ANKRD36C: variants seen among roughly 807,000 people sequenced by gnomAD.
ANKRD36C encodes the protein ankyrin repeat domain 36C.
In ANKRD36C, 61 loss-of-function variants were observed where a neutral mutation model predicts 276.4. The observed-to-expected ratio is 0.22, with a 90% CI of 0.18 to 0.27. The LOEUF (loss-of-function observed/expected upper bound fraction) is 0.27. Among genes scored for constraint, ANKRD36C ranks in the 10% least tolerant of loss-of-function variants. The pLI, the probability that ANKRD36C is intolerant of heterozygous loss-of-function variation, is 1.00. For synonymous variants in ANKRD36C, 483 were observed against 680.1 expected, an observed-to-expected ratio of 0.71 and a Z score of 4.51; for missense variants, 1,447 against 2,032.3, an observed-to-expected ratio of 0.71 and a Z score of 5.54.
chr2:95,890,076 T>C lies in ANKRD36C; in HGVS notation c.2858-82A>G, dbSNP rs1024435358. The C allele has an allele frequency of 5.1e-5, 78 of 1,515,542 alleles. No homozygotes were observed. The African/African-American group carries it at 6.8e-4, about 13-fold the overall frequency. The allele number at this position is 1,515,542 out of a possible 1,614,324, so 93.9% of individuals were successfully genotyped here. A position where few individuals can be genotyped will look rare whatever the true frequency, so the allele number is the denominator to read the frequency against. On this transcript the variant is annotated intron_variant, in intron 46 of 66. Coordinates refer to ENST00000456556, the Ensembl canonical transcript of ANKRD36C. ...TACATTCATACAGTGTTAGCATCAA[T>C]CTCTGTCCTCCTGCCTGTATTAGTG...
downstream of ANKRD36C, chr2:95,848,963 T>A: frequency 2.4e-6 from 1 of 412,748 alleles, no homozygotes; most frequent in Non-Finnish European, 4.7e-6. Context: ...TAAATACTTT[T>A]GCATGTCACA....
intron 34 of ANKRD36C, among the ~76,000 whole-genome samples, chr2:95,918,674 C>T (rs989832484): frequency 2.0e-5 from 3 of 151,634 alleles, no homozygotes; most frequent in Non-Finnish European, 3.0e-5. Flanking sequence ...TAGTTTATCC[C>T]TCCAAAACTT....
In ANKRD36C at chr2:95,951,429, G is replaced by A. The variant is rs774413460; in HGVS notation, c.1204-21C>T. On this transcript the variant is annotated intron_variant, in intron 14 of 66. Coordinates refer to ENST00000456556, the Ensembl canonical transcript of ANKRD36C. ...ATAATCTAGAAGAAAAACACAATAG[G>A]TTTAAGAATAACATGGAGCAAGTTA... 4 of 1,450,094 alleles carry A rather than the reference G, an allele frequency of 2.8e-6. No homozygotes were observed. In the African/African-American group the frequency reaches 5.7e-5, roughly 21 times the overall value. The allele number at this position is 1,450,094 out of a possible 1,614,324, so 89.8% of individuals were successfully genotyped here. A position where few individuals can be genotyped will look rare whatever the true frequency, so the allele number is the denominator to read the frequency against.
chr2:95,883,169 T>C (rs1449907195), intron 54 of ANKRD36C, among the ~76,000 whole-genome samples: 3 of 152,094 alleles, frequency 2.0e-5, no homozygotes, highest in African/African-American at 4.8e-5. Context: ...CAACAAAGTA[T>C]AATATATAAA....
intron 59 of ANKRD36C, among the ~76,000 whole-genome samples, chr2:95,869,442 T>C (rs936900288): frequency 1.9e-4 from 29 of 152,244 alleles, no homozygotes; most frequent in Admixed American, 1.0e-3. Context: ...TTTTTCCTAA[T>C]ATTACTAACT....
chr2:95,885,959 C>T (rs1676191228), intron 52 of ANKRD36C, 89 bp downstream of exon 72: 21 of 1,554,110 alleles, frequency 1.4e-5, no homozygotes, highest in Non-Finnish European at 1.7e-5. Flanking sequence ...AAACATAAAG[C>T]TTCAATGAAC....
At chr2:95,863,968 G>A (rs1380097910) in intron 60 of ANKRD36C, among the ~76,000 whole-genome samples, 2 of 152,006 alleles carry the variant, frequency 1.3e-5, no homozygotes, top group Admixed American at 1.3e-4. Context: ...GCAAATTATG[G>A]GCTTGGGGTG....
intron 28 of ANKRD36C, 92 bp from the exon 29 acceptor site, chr2:95,925,639 C>G: frequency 2.3e-6 from 3 of 1,286,400 alleles, no homozygotes; most frequent in Non-Finnish European, 3.2e-6. Context: ...GCTGTATCCT[C>G]CCACCTGCAC....
intron 60 of ANKRD36C, among the ~76,000 whole-genome samples, chr2:95,861,469 G>T (rs1675581083): frequency 6.6e-6 from 1 of 150,616 alleles, no homozygotes; most frequent in Non-Finnish European, 1.5e-5. Flanking sequence ...AAGTGTCTGG[G>T]ACAGAAAAAA....
intron 66 of ANKRD36C, 119 bp from the exon 87 acceptor site, chr2:95,851,314 C>T: frequency 1.3e-6 from 1 of 784,018 alleles, no homozygotes; most frequent in Non-Finnish European, 2.1e-6. Context: ...ATCTAAAAAT[C>T]TGAAATCCAA....
At chr2:95,893,851 C>G (rs200503187) in intron 44 of ANKRD36C, 127 bp from the exon 63 acceptor site, 2 of 1,512,222 alleles carry the variant, frequency 1.3e-6, no homozygotes, top group Non-Finnish European at 1.8e-6. Flanking sequence ...ATGGCTTCTA[C>G]TTTGTGTCTG....
intron 32 of ANKRD36C, 29 bp downstream of exon 32, chr2:95,923,466 A>C: frequency 6.2e-7 from 1 of 1,607,372 alleles, no homozygotes; most frequent in Non-Finnish European, 8.5e-7. Context: ...TGGACTGAAC[A>C]TGACATTTAA....
At chr2:95,868,180 A>C (rs1675722094) in intron 59 of ANKRD36C, among the ~76,000 whole-genome samples, 1 of 152,136 alleles carries the variant, frequency 6.6e-6, no homozygotes, top group Non-Finnish European at 1.5e-5. Flanking sequence ...TTCTAATTCA[A>C]GTTTTATGCT....
At chr2:95,879,653 TTAATA>T (rs1558624773) in intron 58 of ANKRD36C, among the ~76,000 whole-genome samples, 2 of 152,262 alleles carry the variant, frequency 1.3e-5, no homozygotes, top group South Asian at 2.1e-4. Flanking sequence ...TCTGATTGGC[TTAATA>T]TAATAAGTGT....
intron 19 of ANKRD36C, among the ~76,000 whole-genome samples, chr2:95,943,238 C>T (rs370961022): frequency 2.1e-3 from 277 of 130,188 alleles, no homozygotes; most frequent in South Asian, 3.6e-3. Flanking sequence ...AATCCCAGCA[C>T]TTTGGGAGGC....
At chr2:95,858,524 A>G (rs1205155653) in intron 61 of ANKRD36C, among the ~76,000 whole-genome samples, 4 of 152,232 alleles carry the variant, frequency 2.6e-5, no homozygotes, top group African/African-American at 9.6e-5. Context: ...CAAGATAAAA[A>G]TCATCTTTTC....
chr2:95,922,209 T>C (rs1441551856), intron 32 of ANKRD36C, among the ~76,000 whole-genome samples: 3 of 151,578 alleles, frequency 2.0e-5, no homozygotes, highest in Non-Finnish European at 4.4e-5. Context: ...TTTACACCAT[T>C]ATACTGCAAA....
chr2:95,942,571 T>C (rs1488276749), intron 19 of ANKRD36C, among the ~76,000 whole-genome samples: 1 of 152,196 alleles, frequency 6.6e-6, no homozygotes, highest in Admixed American at 6.5e-5. Context: ...TATTTTAAAG[T>C]TCATATGGTT....
At chr2:95,860,717 G>A (rs1435220538) in intron 60 of ANKRD36C, among the ~76,000 whole-genome samples, 2 of 152,152 alleles carry the variant, frequency 1.3e-5, no homozygotes, top group Non-Finnish European at 2.9e-5. Flanking sequence ...TTTTGACGGA[G>A]GTTCGAGGCC....
Sources: gnomAD v4.1 joint callset for allele counts (sites outside exome capture counted in the v4.1 genomes callset) on GRCh38, gnomAD v4.1.1 for gene constraint, MANE v1.5 for transcripts, NCBI Gene and HGNC (gene_info 2026-07-23, HGNC 2026-07-21) for gene names.